CPAMD8: variants seen among roughly 807,000 people sequenced by gnomAD.
The protein encoded by CPAMD8 is C3 and PZP like alpha-2-macroglobulin domain containing 8.
Under a neutral mutation model 224.7 loss-of-function variants are expected in CPAMD8, and 146 were observed. The observed-to-expected ratio is 0.65, with a 90% confidence interval of 0.57 to 0.75. CPAMD8 has a LOEUF of 0.75. Among genes scored for constraint, CPAMD8 ranks in the 30% least tolerant of loss-of-function variants. CPAMD8 has a pLI of 0.00. For missense variants in CPAMD8, 2,301 were observed against 2,537.5 expected, an observed-to-expected ratio of 0.91 and a Z score of 2.00; for synonymous variants, 966 against 1,044.6, an observed-to-expected ratio of 0.92 and a Z score of 1.45.
chr19:16,945,572 C>A lies in CPAMD8; in HGVS notation c.2770G>T (p.Val924Phe), dbSNP rs779083309. ...ACCTCAACCATCACACTGCGCCTGA[C>A]GTGATCCACCCCGATGGGGACCCTC... ...DRRVPIGVDH[V>F]RRSVMVEAEG... Residue 924 changes from valine to phenylalanine, a missense_variant, in exon 22 of 42, where the codon GTC (valine) becomes TTC (phenylalanine). Physicochemically the swap from Val to Phe is conservative, Grantham distance 50. Coordinates refer to ENST00000443236, the MANE Select transcript of CPAMD8 (RefSeq NM_015692.5). 6.2e-7 allele frequency: 1 copy of A among 1,614,136 alleles called. No individual in the cohort carries two copies. Among genetic ancestry groups the A allele is most frequent in the African/African-American group, 1.3e-5 (1 of 75,048 alleles).
rs558025530 is a variant in CPAMD8 at position 16,896,437 on chromosome 19, C to A, written c.5275+19G>T. ...CAGCGATGGTGTCCCCGAGGCTAGG[C>A]GGGGGGTAGGGTCCTCACCGAGGGC... is the stretch of plus-strand genomic sequence containing the variant. On this transcript the variant is annotated intron_variant, in intron 40 of 41. Coordinates refer to ENST00000443236, the MANE Select transcript of CPAMD8 (RefSeq NM_015692.5). 60 of 1,465,454 alleles carry A rather than the reference C, an allele frequency of 4.1e-5. No homozygotes were observed. In the African/African-American group the frequency reaches 6.8e-4, roughly 17 times the overall value. 90.8% of individuals were successfully genotyped at this position (1,465,454 alleles called of 1,614,324 possible). A position where few individuals can be genotyped will look rare whatever the true frequency, so the allele number is the denominator to read the frequency against.
chr19:16,944,673 CTT>C (rs1331557410), intron 22 of CPAMD8, among the ~76,000 whole-genome samples: 39 of 152,264 alleles, frequency 2.6e-4, no homozygotes, highest in Admixed American at 1.9e-3. Context: ...TGACAGCACT[CTT>C]GTCCCCAAGG....
In CPAMD8 at chr19:16,938,444, C is replaced by A. The variant is rs61745104; in HGVS notation, c.2796G>T (p.Ala932=). 3 of 1,574,704 alleles carry A rather than the reference C, an allele frequency of 1.9e-6. No homozygotes were observed. The highest frequency in any genetic ancestry group is 2.4e-5 in the East Asian group (1 of 41,890). The change falls in exon 23 of 42, where the codon GCG becomes GCT. Residue 932 remains alanine, a splice_region_variant and synonymous_variant. Coordinates refer to ENST00000443236, the MANE Select transcript of CPAMD8 (RefSeq NM_015692.5). The stretch of plus-strand genomic sequence containing the variant: ...AGGTGTACGCCCGGGGGACTCCTTC[C>A]GCCTGAAACAAAGAAACAAGGAGAA... The part of the protein sequence containing the change: ...DHVRRSVMVE[A]EGVPRAYTYS...
At chr19:16,939,158 T>C (rs1266877222) in intron 22 of CPAMD8, among the ~76,000 whole-genome samples, 1 of 78,392 alleles carries the variant, frequency 1.3e-5, no homozygotes, top group Non-Finnish European at 2.7e-5. Context: ...ATTTTATTTA[T>C]TTATTTATTT....
chr19:16,895,903 GCA>G (rs57280906), intron 41 of CPAMD8: 72,963 of 470,242 alleles, frequency 0.16, 2,509 homozygotes, highest in East Asian at 0.26. Context: ...GCGCGCGCAC[GCA>G]CACACACACA....
chr19:16,978,413 T>C (rs140106721), intron 14 of CPAMD8, among the ~76,000 whole-genome samples: 311 of 152,236 alleles, frequency 2.0e-3, no homozygotes, highest in South Asian at 7.0e-3. Flanking sequence ...AGCCCAGGGC[T>C]GGCCCTGGAC....
intron 11 of CPAMD8, among the ~76,000 whole-genome samples, chr19:16,996,817 T>TAA (rs11332531): frequency 6.5e-5 from 7 of 108,324 alleles, no homozygotes; most frequent in East Asian, 5.3e-4. Flanking sequence ...TGACTATCTC[T>TAA]AAAAAAAAAA....
At chr19:17,011,378 A>G in intron 5 of CPAMD8, 86 bp downstream of exon 5, 1 of 1,404,112 alleles carries the variant, frequency 7.1e-7, no homozygotes, top group African/African-American at 1.4e-5. Flanking sequence ...AGTTCTGGAG[A>G]GAAAGACCCG....
Position 16,898,067 on chromosome 19 carries a change from G to T in CPAMD8, c.4849-73C>A. 1 of 1,089,362 alleles carries T rather than the reference G, an allele frequency of 9.2e-7. No individual in the cohort carries two copies. The highest frequency in any genetic ancestry group is 2.5e-5 in the East Asian group (1 of 39,334). 67.5% of individuals were successfully genotyped at this position (1,089,362 alleles called of 1,614,324 possible). ...GGGCGCTGAGCTCAGGCCCAGAACT[G>T]GCTGATTTCAGGGATACCCAGGACG... On this transcript the variant is annotated intron_variant, in intron 37 of 41. Coordinates refer to ENST00000443236, the MANE Select transcript of CPAMD8 (RefSeq NM_015692.5). The surrounding 1 kb of genome is among the most constrained non-coding windows in gnomAD (Gnocchi z 4.2).
chr19:16,895,744 G>C (rs753228381), intron 41 of CPAMD8: 103 of 365,268 alleles, frequency 2.8e-4, no homozygotes, highest in Non-Finnish European at 6.6e-5. Flanking sequence ...AATGCTCATT[G>C]GGGCATTTCA....
chr19:16,939,619 T>C (rs754451007), intron 22 of CPAMD8, among the ~76,000 whole-genome samples: 12 of 152,236 alleles, frequency 7.9e-5, no homozygotes, highest in East Asian at 7.7e-4. Context: ...GAGATCAGCA[T>C]TGGTGTTGGA....
chr19:17,001,120 G>A lies in CPAMD8; in HGVS notation c.759-598C>T, dbSNP rs571179851. 5.3e-5 allele frequency among the ~76,000 whole-genome samples: 8 copies of A among 151,988 alleles called. No individual in the cohort carries two copies. In the South Asian group the frequency reaches 1.0e-3, roughly 20 times the overall value. On this transcript the variant is annotated intron_variant, in intron 9 of 41. Coordinates refer to ENST00000443236, the MANE Select transcript of CPAMD8 (RefSeq NM_015692.5). ...GCAGATCACTTGAGGTCAGGAGTTC[G>A]AGACCAGCCTGGCCAACATGGTGAA...
chr19:16,936,907 T>C (rs745906548), intron 23 of CPAMD8, among the ~76,000 whole-genome samples: 3 of 152,264 alleles, frequency 2.0e-5, no homozygotes, highest in Non-Finnish European at 4.4e-5. Flanking sequence ...AATGTTTCCT[T>C]TTATAGATTG....
chr19:16,997,484 G>C, intron 10 of CPAMD8, 146 bp from the exon 11 acceptor site: 1 of 648,148 alleles, frequency 1.5e-6, no homozygotes, highest in Admixed American at 2.2e-5. Flanking sequence ...TCTATGCCAC[G>C]GGACCATGCA....
rs370036245 is a variant in CPAMD8 at position 16,976,096 on chromosome 19, C to T, written c.1814G>A (p.Arg605Gln). 160 of 1,612,780 alleles carry T rather than the reference C, an allele frequency of 9.9e-5. 1 individual carries two copies. Among genetic ancestry groups the T allele is most frequent in the Middle Eastern group, 5.0e-4 (3 of 5,972 alleles). ...ACAGCTGCCCCTTGCAGCCCTGATCCGCAGGTCGACAACCTCCCCAGGTTG... is the reference window on the plus strand; with the variant it reads ...ACAGCTGCCCCTTGCAGCCCTGATCTGCAGGTCGACAACCTCCCCAGGTTG... ...ETQPGEVVDL[R>Q]IRAARGSCVC... Residue 605 changes from arginine to glutamine, a missense_variant, in exon 16 of 42, where the codon CGG becomes CAG. Around this residue, in one of 4 missense-constraint regions of CPAMD8, gnomAD observed 1,709 missense variants for 1,753.2 expected, o/e 0.97. Transcript: ENST00000443236.
chr19:17,024,279 T>C (rs1460863427), intron 1 of CPAMD8, among the ~76,000 whole-genome samples: 4 of 152,186 alleles, frequency 2.6e-5, no homozygotes, highest in African/African-American at 9.6e-5. Flanking sequence ...CTGCCTTGAA[T>C]AATTACCAGA....
chr19:16,913,319 G>C (rs188220534), intron 29 of CPAMD8, among the ~76,000 whole-genome samples: 2 of 152,054 alleles, frequency 1.3e-5, no homozygotes, highest in African/African-American at 2.4e-5. Context: ...TTAGGAGTTG[G>C]GGACCTTTGA....
chr19:16,914,685 A>G lies in CPAMD8; in HGVS notation c.3758T>C (p.Val1253Ala). The G allele has an allele frequency of 6.2e-7, 1 of 1,614,022 alleles. No homozygotes were observed. Among genetic ancestry groups the G allele is most frequent in the Non-Finnish European group, 8.5e-7 (1 of 1,179,918 alleles). ...QQQADGSFLA[V>A]GRVLNKDIQG... ...GATGTCCTTGTTCAGGACCCTGCCC[A>G]CGGCCAGGAAGGAGCCATCGGCCTG... Residue 1253 changes from valine to alanine, a missense_variant, in exon 28 of 42, where the codon GTG becomes GCG. By Grantham distance (64) the Val-to-Ala change is moderately conservative. Coordinates refer to ENST00000443236, the MANE Select transcript of CPAMD8 (RefSeq NM_015692.5).
At chr19:16,940,811 AG>A (rs2053862687) in intron 22 of CPAMD8, among the ~76,000 whole-genome samples, 2 of 152,212 alleles carry the variant, frequency 1.3e-5, no homozygotes, top group African/African-American at 4.8e-5. Flanking sequence ...AGGGGGCACC[AG>A]GGAAGGCCCC....
Sources: gnomAD v4.1 joint callset for allele counts (sites outside exome capture counted in the v4.1 genomes callset) on GRCh38, gnomAD v4.1.1 for gene constraint, gnomAD v4.1.1 regional missense constraint, Gnocchi (gnomAD v3.1) non-coding constraint, MANE v1.5 for transcripts, NCBI Gene and HGNC (gene_info 2026-07-23, HGNC 2026-07-21) for gene names.